Variants in ENPP6 observed in about 807,000 individuals in gnomAD.
ENPP6 encodes the protein glycerophosphocholine cholinephosphodiesterase ENPP6.
In ENPP6, 32 loss-of-function variants were observed where a neutral mutation model predicts 42.0. That is an observed-to-expected ratio of 0.76 (90% CI 0.58 to 1.02). The LOEUF (loss-of-function observed/expected upper bound fraction) is 1.02, where lower values mean the gene tolerates loss of function less well. Among genes scored for constraint, ENPP6 ranks in the 50% least tolerant of loss-of-function variants. The pLI is 0.00. For synonymous variants in ENPP6, 213 were observed against 216.0 expected, an observed-to-expected ratio of 0.99 and a Z score of 0.12; for missense variants, 552 against 566.8, an observed-to-expected ratio of 0.97 and a Z score of 0.27.
intron 5 of ENPP6, among the ~76,000 whole-genome samples, chr4:184,116,201 C>T (rs568413048): frequency 6.0e-4 from 92 of 152,212 alleles, no homozygotes; most frequent in African/African-American, 1.9e-3. Context: ...CCAGCCTGGG[C>T]GACAGAGCGA....
At chr4:184,172,026 G>A (rs938150227) in intron 1 of ENPP6, among the ~76,000 whole-genome samples, 2 of 152,152 alleles carry the variant, frequency 1.3e-5, no homozygotes, top group Non-Finnish European at 2.9e-5. Context: ...GGAGGGTTTG[G>A]AGGGGGTGGT....
At chr4:184,182,346 G>C (rs993446594) in intron 1 of ENPP6, among the ~76,000 whole-genome samples, 2 of 151,930 alleles carry the variant, frequency 1.3e-5, no homozygotes, top group African/African-American at 4.8e-5. Flanking sequence ...GCGATTACTA[G>C]GAGTTAAGAA....
intron 1 of ENPP6, among the ~76,000 whole-genome samples, chr4:184,160,935 G>A (rs1737248156): frequency 6.6e-6 from 1 of 152,184 alleles, no homozygotes; most frequent in South Asian, 2.1e-4. Context: ...GTCTGGAGAG[G>A]AGGGGAATAT....
At position 184,112,731 on chromosome 4, in the gene ENPP6, T is replaced by C. The variant is rs1359191031; in HGVS notation, c.934A>G (p.Lys312Glu). Residue 312 changes from lysine to glutamate, a missense_variant, in exon 6 of 8, where the codon AAA becomes GAA. Around this residue, in one of 2 missense-constraint regions of ENPP6, gnomAD observed 545 missense variants for 546.3 expected, o/e 1.00. Coordinates refer to ENST00000296741, the MANE Select transcript of ENPP6 (RefSeq NM_153343.4). ...GTCAAAGGAGAGACAAACTTTCCTT[T>C]CTTGTAATAGAACCTGCTTGGGATG... is the stretch of plus-strand genomic sequence containing the variant. ...EAIPSRFYYKKGKFVSPLTLV... is the reference protein window; with the variant it reads ...EAIPSRFYYKEGKFVSPLTLV... 1.2e-6 allele frequency: 2 copies of C among 1,614,160 alleles called. No homozygotes were observed. Among genetic ancestry groups the C allele is most frequent in the Admixed American group, 1.7e-5 (1 of 60,028 alleles).
rs60164895 is a variant in ENPP6, at chr4:184,134,131, G to GATTTATTTATTTATTTATTTATTTATTT, written c.422-9887_422-9860dup. On this transcript the variant is annotated intron_variant, in intron 2 of 7. Transcript: ENST00000296741. ...ATTACACTAACCTCATTATGGAAGT[G>GATTTATTTATTTATTTATTTATTTATTT]ATTTATTTATTTATTTATTTATTTA... Among the ~76,000 whole-genome samples, 21 of 147,296 alleles carry GATTTATTTATTTATTTATTTATTTATTT rather than the reference G, an allele frequency of 1.4e-4. No individual in the cohort carries two copies. In the South Asian group the frequency reaches 3.5e-3, roughly 24 times the overall value.
chr4:184,100,859 C>G (rs1294579672), intron 6 of ENPP6, among the ~76,000 whole-genome samples: 1 of 152,188 alleles, frequency 6.6e-6, no homozygotes, highest in Non-Finnish European at 1.5e-5. Context: ...GGATTCGTGC[C>G]AGGAACTCAG....
intron 1 of ENPP6, among the ~76,000 whole-genome samples, chr4:184,201,959 CT>C (rs35177377): frequency 0.3 from 45,282 of 151,974 alleles, 8,571 homozygotes; most frequent in Non-Finnish European, 0.4. Context: ...CAGATTTTAA[CT>C]GTGCATCCGT....
intron 2 of ENPP6, among the ~76,000 whole-genome samples, chr4:184,142,946 C>T (rs1444448734): frequency 6.6e-6 from 1 of 152,208 alleles, no homozygotes; most frequent in Non-Finnish European, 1.5e-5. Context: ...ATTACAGCCC[C>T]TACAGGCCAC....
chr4:184,217,614 CT>C lies in ENPP6; in HGVS notation c.205del (p.Ser69ValfsTer10). 1 of 1,614,210 alleles carries C rather than the reference CT, an allele frequency of 6.2e-7. No individual in the cohort carries two copies. Among genetic ancestry groups the C allele is most frequent in the Non-Finnish European group, 8.5e-7 (1 of 1,180,038 alleles). ...KVDYLTPDFP[S>X]LSYPNYYTLM... ...GGTATAATAATTGGGATACGAGAGA[CT>C]AGGGAAGTCTGGAGTCAAGTAATCC... On this transcript the variant is annotated frameshift_variant, in exon 1 of 8. Transcript: ENST00000296741. LOFTEE classifies it high-confidence loss of function.
chr4:184,153,406 G>C, intron 2 of ENPP6, 148 bp downstream of exon 2: 1 of 916,052 alleles, frequency 1.1e-6, no homozygotes, highest in South Asian at 2.1e-5. Context: ...TTACAGGCCT[G>C]AGCCACCGTG....
At chr4:184,093,029 C>T (rs1735834326) in intron 7 of ENPP6, among the ~76,000 whole-genome samples, 1 of 152,138 alleles carries the variant, frequency 6.6e-6, no homozygotes, top group South Asian at 2.1e-4. Flanking sequence ...AGGGCAACTG[C>T]CCAAATAGCA....
At chr4:184,131,846 T>C (rs1307409042) in intron 2 of ENPP6, among the ~76,000 whole-genome samples, 1 of 145,308 alleles carries the variant, frequency 6.9e-6, no homozygotes, top group East Asian at 2.0e-4. Context: ...TATAAAGAGG[T>C]ATATTATGAG....
intron 1 of ENPP6, among the ~76,000 whole-genome samples, chr4:184,212,122 A>C (rs1427702910): frequency 6.6e-6 from 1 of 151,928 alleles, no homozygotes; most frequent in Non-Finnish European, 1.5e-5. Context: ...ACAAACCCAC[A>C]GCCAATATCA....
chr4:184,146,544 A>G (rs1204597028), intron 2 of ENPP6, among the ~76,000 whole-genome samples: 2 of 152,262 alleles, frequency 1.3e-5, no homozygotes, highest in Non-Finnish European at 2.9e-5. Flanking sequence ...ATAATGTTAA[A>G]GAAATGAAAT....
At chr4:184,209,218 G>C (rs549193067) in intron 1 of ENPP6, among the ~76,000 whole-genome samples, 1 of 150,812 alleles carries the variant, frequency 6.6e-6, no homozygotes. Flanking sequence ...CACCAGCAAT[G>C]GAACAAAGCT....
At chr4:184,130,126 C>T (rs762204444) in intron 2 of ENPP6, among the ~76,000 whole-genome samples, 6 of 152,180 alleles carry the variant, frequency 3.9e-5, no homozygotes, top group Admixed American at 2.6e-4. Context: ...AGGTGTGCTG[C>T]TGGCCAAGCT....
At chr4:184,212,115 A>G (rs1173311473) in intron 1 of ENPP6, among the ~76,000 whole-genome samples, 2 of 151,964 alleles carry the variant, frequency 1.3e-5, no homozygotes, top group Non-Finnish European at 2.9e-5. Flanking sequence ...ATCAATGACA[A>G]ACCCACAGCC....
chr4:184,094,543 G>A (rs978565831), intron 7 of ENPP6, among the ~76,000 whole-genome samples: 3 of 152,246 alleles, frequency 2.0e-5, no homozygotes, highest in Non-Finnish European at 4.4e-5. Context: ...AATTCCTGAA[G>A]AGCAAAACAA....
intron 6 of ENPP6, among the ~76,000 whole-genome samples, chr4:184,111,147 G>A (rs541668025): frequency 3.0e-4 from 46 of 152,104 alleles, no homozygotes; most frequent in South Asian, 1.0e-3. Flanking sequence ...TCACTTCTGC[G>A]CTCTTATACT....
Sources: allele counts gnomAD v4.1 joint callset (sites outside exome capture counted in the v4.1 genomes callset), GRCh38; gene constraint gnomAD v4.1.1; regional missense constraint gnomAD v4.1.1; transcripts MANE v1.5; gene names NCBI Gene and HGNC (gene_info 2026-07-23, HGNC 2026-07-21).